ZBTB46: variants seen among roughly 807,000 people sequenced by gnomAD.
ZBTB46 encodes zinc finger and BTB domain containing 46.
Under a neutral mutation model 44.1 loss-of-function variants are expected in ZBTB46, and 8 were observed. The ratio of observed to expected loss-of-function variants is 0.18; its 90% CI spans 0.11 to 0.33. ZBTB46 has a LOEUF of 0.33. ZBTB46 is among the 10% of genes least tolerant of loss of function. The pLI, the probability that ZBTB46 is intolerant of heterozygous loss-of-function variation, is 1.00. For missense variants in ZBTB46, 651 were observed against 847.7 expected (o/e 0.77, Z 2.88); for synonymous variants, 409 against 382.3 (o/e 1.07, Z -0.81).
Position 63,789,873 on chromosome 20 carries a change from C to G in ZBTB46, c.885G>C (p.Pro295=), listed in dbSNP as rs200156586. ...CCGACGTCGGCAGGAAGGACGGCAC[C>G]GGGGAGCTGGCCCGGCTGTCATCTT... ...QVEDDSRASS[P]VPSFLPTSGW... Residue 295 remains proline (P), a synonymous_variant, in exon 2 of 5, where the codon CCG becomes CCC. Coordinates refer to ENST00000245663, the MANE Select transcript of ZBTB46 (RefSeq NM_001369741.1). 8.7e-6 allele frequency: 14 copies of G among 1,613,576 alleles called. No individual in the cohort carries two copies. The highest frequency in any genetic ancestry group is 6.8e-6 in the Non-Finnish European group (8 of 1,179,982).
chr20:63,758,585 G>A (rs117348062), intron 3 of ZBTB46, among the ~76,000 whole-genome samples: 262 of 152,136 alleles, frequency 1.7e-3, no homozygotes, highest in Non-Finnish European at 3.0e-3. Context: ...GGTGCCCTTA[G>A]ATCCCTATCC....
intron 1 of ZBTB46, among the ~76,000 whole-genome samples, chr20:63,820,659 C>T (rs1316344169): frequency 2.0e-5 from 3 of 151,572 alleles, no homozygotes; most frequent in Non-Finnish European, 2.9e-5. Context: ...CTCGAACTCC[C>T]GACCTCAGGT....
Position 63,746,777 on chromosome 20 carries a change from C to T in ZBTB46, c.*153G>A, listed in dbSNP as rs992811673. The stretch of plus-strand genomic sequence containing the variant: ...GCTGGGGTCGCACCTGCTTAGCCCG[C>T]AGGGCTGGTTTCCGTGGGGGGTGGG... On this transcript the variant is annotated 3_prime_UTR_variant, in exon 5 of 5. Transcript: ENST00000245663. 1.0e-5 allele frequency: 13 copies of T among 1,263,018 alleles called. No individual in the cohort carries two copies. The highest frequency in any genetic ancestry group is 5.6e-4 in the Middle Eastern group (2 of 3,592). The allele number at this position is 1,263,018 out of a possible 1,614,324, so 78.2% of individuals were successfully genotyped here.
intron 3 of ZBTB46, among the ~76,000 whole-genome samples, chr20:63,758,361 C>T (rs1285381460): frequency 6.6e-6 from 1 of 151,892 alleles, no homozygotes; most frequent in African/African-American, 2.4e-5. Flanking sequence ...CTTACCCTGC[C>T]TTGCCCGTTC....
In ZBTB46 at chr20:63,752,541, G is replaced by A. The variant is rs1320775721; in HGVS notation, c.1398+145C>T. 19 of 1,010,332 alleles carry A rather than the reference G, an allele frequency of 1.9e-5. No homozygotes were observed. The highest frequency in any genetic ancestry group is 2.4e-5 in the Non-Finnish European group (18 of 756,374). The allele number at this position is 1,010,332 out of a possible 1,614,324, so 62.6% of individuals were successfully genotyped here. ...GGCAGAGCAGACAGGGGCCCGGGGC[G>A]GATCTCCCTGCCCTGCTGTCGTCCC... On this transcript the variant is annotated intron_variant, in intron 4 of 4. Transcript: ENST00000245663. The surrounding 1 kb of genome is among the most constrained non-coding windows in gnomAD (Gnocchi z 5.6).
rs1343859857 is a variant in ZBTB46, at chr20:63,747,172, C to T, written c.1528G>A (p.Ala510Thr). 1.2e-6 allele frequency: 2 copies of T among 1,609,328 alleles called. No homozygotes were observed. The highest frequency in any genetic ancestry group is 2.2e-5 in the South Asian group (2 of 90,812). ...VCTDCAGRGMAGPLDHGGGGG... is the reference protein window; with the variant it reads ...VCTDCAGRGMTGPLDHGGGGG... ...CCGCCGCCATGGTCCAGGGGCCCGG[C>T]CATGCCGCGGCCAGCACAGTCGGTG... The change falls in exon 5 of 5, where the codon GCC (alanine) becomes ACC (threonine). Residue 510 changes from alanine to threonine, a missense_variant. Ala to Thr is a moderately conservative substitution (Grantham distance 58). Transcript: ENST00000245663.
intron 3 of ZBTB46, among the ~76,000 whole-genome samples, chr20:63,761,550 G>A (rs1440236230): frequency 1.3e-5 from 2 of 152,008 alleles, no homozygotes; most frequent in African/African-American, 2.4e-5. Context: ...TTGGGAGTCC[G>A]AGGCAGGTGG....
intron 1 of ZBTB46, among the ~76,000 whole-genome samples, chr20:63,820,870 A>G (rs1008361444): frequency 6.6e-6 from 1 of 151,540 alleles, no homozygotes; most frequent in African/African-American, 2.4e-5. Flanking sequence ...CTGGGACTAC[A>G]GGTGTCTGCC....
intron 1 of ZBTB46, among the ~76,000 whole-genome samples, chr20:63,804,433 A>G (rs2092668642): frequency 6.6e-6 from 1 of 152,050 alleles, no homozygotes; most frequent in Non-Finnish European, 1.5e-5. Flanking sequence ...CTCTCAGCCA[A>G]TGGACACAGC....
chr20:63,772,722 A>ACAC (rs2092385212), intron 3 of ZBTB46, among the ~76,000 whole-genome samples: 2 of 20,258 alleles, frequency 9.9e-5, no homozygotes, highest in Admixed American at 4.1e-4. Flanking sequence ...CTGTCTCAAA[A>ACAC]ACACACACAC....
chr20:63,819,461 G>C (rs1045169618), intron 1 of ZBTB46, among the ~76,000 whole-genome samples: 3 of 152,112 alleles, frequency 2.0e-5, no homozygotes, highest in Non-Finnish European at 4.4e-5. Flanking sequence ...TGTGATCACA[G>C]CTCTGCTTCC....
rs2092660310 is a variant in ZBTB46 at position 63,803,199 on chromosome 20, G to A, written c.-33-12409C>T. On this transcript the variant is annotated intron_variant, in intron 1 of 4. Coordinates refer to ENST00000245663, the MANE Select transcript of ZBTB46 (RefSeq NM_001369741.1). This position sits in a 1 kb window ranked among gnomAD's most constrained non-coding sequence, Gnocchi z 4.0. ...GACCAGTGTGGGCACCATCCCCCAG[G>A]GCGCCTCACCAGCAGGAACCAGGCA... is the stretch of plus-strand genomic sequence containing the variant. 1 of 602,494 alleles carries A rather than the reference G, an allele frequency of 1.7e-6. No homozygotes were observed. Among genetic ancestry groups the A allele is most frequent in the Non-Finnish European group, 2.1e-6 (1 of 480,228 alleles). The allele number at this position is 602,494 out of a possible 1,614,324, so 37.3% of individuals were successfully genotyped here.
chr20:63,763,143 A>G (rs1189947649), intron 3 of ZBTB46, among the ~76,000 whole-genome samples: 1 of 152,212 alleles, frequency 6.6e-6, no homozygotes, highest in Non-Finnish European at 1.5e-5. Context: ...TACAGGTGTG[A>G]GCCACTGTAC....
Position 63,783,484 on chromosome 20 carries a change from A to T in ZBTB46, c.937+6337T>A, listed in dbSNP as rs535564015. Among the ~76,000 whole-genome samples, 53 of 152,378 alleles carry T rather than the reference A, an allele frequency of 3.5e-4. 1 individual carries two copies. The highest frequency in any genetic ancestry group is 5.0e-4 in the Non-Finnish European group (34 of 68,032). The stretch of plus-strand genomic sequence containing the variant: ...CCAGTGCCGAGTGCAGAATTTTTTT[A>T]AAAATAAAACAAAAACAAAAAACAG... On this transcript the variant is annotated intron_variant, in intron 2 of 4. Coordinates refer to ENST00000245663, the MANE Select transcript of ZBTB46 (RefSeq NM_001369741.1).
intron 1 of ZBTB46, among the ~76,000 whole-genome samples, chr20:63,830,435 C>T (rs927173193): frequency 6.6e-6 from 1 of 150,736 alleles, no homozygotes; most frequent in African/African-American, 2.4e-5. Flanking sequence ...CCGAGCCGCC[C>T]CGCCCCGAGG....
At chr20:63,800,712 G>A (rs771349245) in intron 1 of ZBTB46, among the ~76,000 whole-genome samples, 10 of 152,212 alleles carry the variant, frequency 6.6e-5, no homozygotes, top group Admixed American at 1.3e-4. Context: ...GAGGGTGTCC[G>A]CCAGCAGTGC....
intron 1 of ZBTB46, among the ~76,000 whole-genome samples, chr20:63,808,987 AAAAAAAAAAAAAG>A (rs2092701257): frequency 1.4e-5 from 2 of 146,996 alleles, no homozygotes; most frequent in Non-Finnish European, 3.0e-5. Context: ...AAAAAAAAAA[AAAAAAAAAAAAAG>A]AAAAAGAAAA....
In ZBTB46 at chr20:63,768,922, A is replaced by G. The variant is rs1380393853; in HGVS notation, c.1222+6756T>C. On this transcript the variant is annotated intron_variant, in intron 3 of 4. Transcript: ENST00000245663. ...ACTGATGTTTCCAACCCACTGCAACATGAATTGAATGTCTTTACATTAAGG... is the reference window on the plus strand; with the variant it reads ...ACTGATGTTTCCAACCCACTGCAACGTGAATTGAATGTCTTTACATTAAGG... 2.0e-5 allele frequency among the ~76,000 whole-genome samples: 3 copies of G among 152,246 alleles called. No homozygotes were observed. The East Asian group carries it at 5.8e-4, about 29-fold the overall frequency.
intron 1 of ZBTB46, among the ~76,000 whole-genome samples, chr20:63,820,621 C>T (rs2092786677): frequency 1.3e-5 from 2 of 150,632 alleles, no homozygotes; most frequent in Admixed American, 1.3e-4. Flanking sequence ...TGGTAGAGAC[C>T]GGGTTTCTCC....
Sources: allele counts gnomAD v4.1 joint callset (sites outside exome capture counted in the v4.1 genomes callset), GRCh38; gene constraint gnomAD v4.1.1; non-coding constraint Gnocchi (gnomAD v3.1); transcripts MANE v1.5; gene names NCBI Gene and HGNC (gene_info 2026-07-23, HGNC 2026-07-21).